Variants in EPB41L5 observed in about 807,000 individuals in gnomAD.
EPB41L5 encodes band 4.1-like protein 5.
A neutral mutation model predicts 106.6 loss-of-function variants in EPB41L5; 55 were observed. That is an observed-to-expected ratio of 0.52 (90% CI 0.42 to 0.65). EPB41L5 has a LOEUF of 0.65. EPB41L5 is among the 30% of genes least tolerant of loss of function. The pLI is 0.00. For missense variants in EPB41L5, 871 were observed against 882.1 expected (o/e 0.99, Z 0.16); for synonymous variants, 297 against 306.7 (o/e 0.97, Z 0.33).
chr2:120,143,451 A>G (rs1216865092), intron 19 of EPB41L5, among the ~76,000 whole-genome samples: 1 of 152,078 alleles, frequency 6.6e-6, no homozygotes, highest in Non-Finnish European at 1.5e-5. Context: ...CAATTTGGCG[A>G]TATGTTTATG....
At chr2:120,074,416 CTTTT>C (rs1158227868) in intron 5 of EPB41L5, 2 of 370,418 alleles carry the variant, frequency 5.4e-6, no homozygotes, top group East Asian at 9.1e-5. Context: ...CTAGTGAGTT[CTTTT>C]TTTTAAGTAT....
intron 14 of EPB41L5, among the ~76,000 whole-genome samples, chr2:120,099,141 A>C (rs1033913288): frequency 7.9e-5 from 12 of 151,928 alleles, no homozygotes. Flanking sequence ...TCTGTAAATT[A>C]TTTTCTCACT....
intron 9 of EPB41L5, among the ~76,000 whole-genome samples, 155 bp downstream of exon 9, chr2:120,077,471 A>G (rs1043689206): frequency 6.6e-6 from 1 of 152,196 alleles, no homozygotes; most frequent in East Asian, 1.9e-4. Flanking sequence ...TTAAATACCA[A>G]ATGACTAGAA....
intron 7 of EPB41L5, among the ~76,000 whole-genome samples, 193 bp downstream of exon 7, chr2:120,075,946 C>T (rs1024121847): frequency 1.3e-5 from 2 of 152,172 alleles, no homozygotes; most frequent in African/African-American, 4.8e-5. Flanking sequence ...CATGTAATTG[C>T]GCCCTTTCCA....
chr2:120,105,548 C>G (rs1221339049), intron 16 of EPB41L5: 1 of 984,904 alleles, frequency 1.0e-6, no homozygotes, highest in Non-Finnish European at 1.2e-6. Context: ...CCTAAATAAG[C>G]AGAACTGACT....
At chr2:120,154,652 C>T (rs967898507) in intron 20 of EPB41L5, among the ~76,000 whole-genome samples, 16 of 151,826 alleles carry the variant, frequency 1.1e-4, no homozygotes, top group African/African-American at 3.1e-4. Flanking sequence ...ATGGGCCAGG[C>T]GTGGTGGCTC....
intron 16 of EPB41L5, among the ~76,000 whole-genome samples, chr2:120,101,177 C>T (rs979914947): frequency 6.6e-6 from 1 of 152,124 alleles, no homozygotes; most frequent in Admixed American, 6.5e-5. Flanking sequence ...AAAGTATATC[C>T]ACTACGTGTT....
chr2:120,069,655 TA>T (rs1681720573), intron 3 of EPB41L5, among the ~76,000 whole-genome samples: 1 of 152,202 alleles, frequency 6.6e-6, no homozygotes, highest in Admixed American at 6.5e-5. Flanking sequence ...AGCTCAGGAT[TA>T]AAAAACTCAC....
intron 18 of EPB41L5, among the ~76,000 whole-genome samples, chr2:120,134,534 G>C (rs555513989): frequency 1.3e-5 from 2 of 152,322 alleles, no homozygotes; most frequent in Non-Finnish European, 2.9e-5. Flanking sequence ...TCAGCACAGT[G>C]TCAGTGGGTA....
intron 5 of EPB41L5, 183 bp downstream of exon 5, chr2:120,074,361 A>G (rs1231700377): frequency 7.6e-6 from 4 of 522,966 alleles, no homozygotes; most frequent in Admixed American, 3.8e-5. Flanking sequence ...TTCCTTTAGC[A>G]TTTTCAAAAT....
intron 3 of EPB41L5, among the ~76,000 whole-genome samples, chr2:120,044,823 A>C (rs1679655238): frequency 6.6e-6 from 1 of 152,224 alleles, no homozygotes; most frequent in Non-Finnish European, 1.5e-5. Flanking sequence ...TCTAGGCATT[A>C]AAATTCAACT....
chr2:120,102,175 A>T (rs1464469477), intron 16 of EPB41L5, among the ~76,000 whole-genome samples: 1 of 152,302 alleles, frequency 6.6e-6, no homozygotes, highest in African/African-American at 2.4e-5. Context: ...TTGGGATACT[A>T]TATTACGACA....
rs1474102758 is a variant in EPB41L5 at position 120,093,276 on chromosome 2, G to C, written c.1178G>C (p.Ser393Thr). The C allele has an allele frequency of 6.2e-7, 1 of 1,613,166 alleles. No homozygotes were observed. Among genetic ancestry groups the C allele is most frequent in the Non-Finnish European group, 8.5e-7 (1 of 1,179,236 alleles). The stretch of plus-strand genomic sequence containing the variant: ...TGTGCTACAAAACCTGAAGAACTTA[G>C]GTAAGTAATGTTTTGCAACTTAGGA... ...KACATKPEEL[S>T]VHNNVSTQSN... The change falls in exon 14 of 25, where the codon AGT (serine) becomes ACT (threonine). Residue 393 changes from serine to threonine, a missense_variant and splice_region_variant. Ser to Thr is a moderately conservative substitution (Grantham distance 58). Transcript: ENST00000263713.
At chr2:120,076,862 T>A in intron 7 of EPB41L5, 109 bp from the exon 8 acceptor site, 1 of 1,045,852 alleles carries the variant, frequency 9.6e-7, no homozygotes, top group South Asian at 2.0e-5. Flanking sequence ...TATGAATTTT[T>A]GTAAGAAATT....
chr2:120,172,976 A>G (rs1403317587), intron 24 of EPB41L5, among the ~76,000 whole-genome samples: 1 of 152,134 alleles, frequency 6.6e-6, no homozygotes, highest in African/African-American at 2.4e-5. Flanking sequence ...TAGAAAACTG[A>G]GAAGTACTCG....
At chr2:120,021,625 T>C (rs993047195) in intron 2 of EPB41L5, among the ~76,000 whole-genome samples, 6 of 152,104 alleles carry the variant, frequency 3.9e-5, no homozygotes, top group Non-Finnish European at 8.8e-5. Flanking sequence ...CGGGTGACAG[T>C]GCGAGACTCC....
chr2:120,141,520 T>G (rs1372235084), intron 18 of EPB41L5, among the ~76,000 whole-genome samples: 1 of 152,020 alleles, frequency 6.6e-6, no homozygotes, highest in East Asian at 1.9e-4. Flanking sequence ...ATTTAAAAAG[T>G]AAGAATATGT....
chr2:120,136,702 A>G (rs999731404), intron 18 of EPB41L5, among the ~76,000 whole-genome samples: 1 of 152,072 alleles, frequency 6.6e-6, no homozygotes, highest in Non-Finnish European at 1.5e-5. Flanking sequence ...AGGATATAAC[A>G]TTATAAATAA....
At chr2:120,124,763 C>A (rs1200518104) in intron 16 of EPB41L5, among the ~76,000 whole-genome samples, 1 of 152,098 alleles carries the variant, frequency 6.6e-6, no homozygotes, top group Non-Finnish European at 1.5e-5. Context: ...AACAGTTCCC[C>A]CAGCCTATTT....
Sources: gnomAD v4.1 joint callset for allele counts (sites outside exome capture counted in the v4.1 genomes callset) on GRCh38, gnomAD v4.1.1 for gene constraint, MANE v1.5 for transcripts, NCBI Gene and HGNC (gene_info 2026-07-23, HGNC 2026-07-21) for gene names.